The following MBP variants were observed in gnomAD, a reference collection of about 807,000 sequenced individuals.
MBP encodes Golli-MBP.
In MBP, 16 loss-of-function variants were observed where a neutral mutation model predicts 35.8. That is an observed-to-expected ratio of 0.45 (90% CI 0.30 to 0.68). The LOEUF is 0.68. Among genes scored for constraint, MBP ranks in the 30% least tolerant of loss-of-function variants. The pLI is 0.08. For missense variants in MBP, 380 were observed against 404.7 expected, an observed-to-expected ratio of 0.94 and a Z score of 0.52; for synonymous variants, 143 against 159.6, an observed-to-expected ratio of 0.90 and a Z score of 0.78.
chr18:77,028,202 A>C (rs549275110), intron 3 of MBP, among the ~76,000 whole-genome samples: 22 of 142,038 alleles, frequency 1.5e-4, no homozygotes, highest in Admixed American at 5.0e-4. Context: ...CTTAACGAGC[A>C]TGCTGCCTTC....
At chr18:77,021,990 G>C (rs1047815612) in intron 3 of MBP, among the ~76,000 whole-genome samples, 1 of 152,190 alleles carries the variant, frequency 6.6e-6, no homozygotes, top group Non-Finnish European at 1.5e-5. Flanking sequence ...GGTGGCATGG[G>C]AGGAGTGAGG....
rs542148230 is a variant in MBP, at chr18:77,129,632, A to G, written c.-26+2948T>C. Among the ~76,000 whole-genome samples the G allele has an allele frequency of 5.9e-5, 9 of 152,146 alleles. No homozygotes were observed. In the East Asian group the frequency reaches 1.7e-3, roughly 29 times the overall value. On this transcript the variant is annotated intron_variant, in intron 1 of 8. Coordinates refer to ENST00000355994, the MANE Select transcript of MBP (RefSeq NM_001025101.2). ...CTCAGCTGGCATTAGGGCCTGTGGC[A>G]TGAGCACTCTTCCCTTAAACAGCTC... is the stretch of plus-strand genomic sequence containing the variant.
intron 2 of MBP, among the ~76,000 whole-genome samples, chr18:77,074,435 G>A (rs1974575490): frequency 6.6e-6 from 1 of 152,160 alleles, no homozygotes; most frequent in South Asian, 2.1e-4. Flanking sequence ...CAGGGTTGAG[G>A]TCATATGTAT....
chr18:76,983,825 G>C (rs942258673), intron 8 of MBP: 3 of 152,316 alleles, frequency 2.0e-5, no homozygotes, highest in Non-Finnish European at 4.4e-5. Context: ...GATCCCCGCT[G>C]CTGGGCAGAG....
chr18:76,998,271 G>A (rs905513184), intron 4 of MBP, among the ~76,000 whole-genome samples: 4 of 152,200 alleles, frequency 2.6e-5, no homozygotes, highest in Admixed American at 6.5e-5. Context: ...TGTTCTCTGC[G>A]GACGGCTTGG....
chr18:76,988,629 T>C lies in MBP; in HGVS notation c.718-102A>G. 6.6e-7 allele frequency: 1 copy of C among 1,525,420 alleles called. No homozygotes were observed. The highest frequency in any genetic ancestry group is 2.3e-5 in the East Asian group (1 of 43,970). The allele number at this position is 1,525,420 out of a possible 1,614,324, so 94.5% of individuals were successfully genotyped here. On this transcript the variant is annotated intron_variant, in intron 6 of 8. Coordinates refer to ENST00000355994, the MANE Select transcript of MBP (RefSeq NM_001025101.2). This position sits in a 1 kb window ranked among gnomAD's most constrained non-coding sequence, Gnocchi z 5.2. ...TCAAAGCACAGTGGAGCTGAGGTGG[T>C]AAAAACAGGTTCCACCCGGAGCTCC... is the stretch of plus-strand genomic sequence containing the variant.
At position 76,980,319 on chromosome 18, in the gene MBP, A is replaced by C; in HGVS notation, c.*108T>G. On this transcript the variant is annotated 3_prime_UTR_variant, in exon 9 of 9. Transcript: ENST00000355994. ...CTACGTGCACAACTCCGCAGGCATT[A>C]GGGGAGGGGTCATCTGCTCTAATTA... The C allele has an allele frequency of 9.8e-7, 1 of 1,017,312 alleles. No individual in the cohort carries two copies. The highest frequency in any genetic ancestry group is 1.6e-6 in the Non-Finnish European group (1 of 635,206). 63.0% of individuals were successfully genotyped at this position (1,017,312 alleles called of 1,614,324 possible).
rs1290367887 is a variant in MBP, at chr18:77,029,434, G to A, written c.140-12166C>T. Among the ~76,000 whole-genome samples the A allele has an allele frequency of 5.7e-3, 724 of 127,630 alleles. 13 individuals are homozygous for A. Among genetic ancestry groups the A allele is most frequent in the African/African-American group, 0.02 (659 of 32,150 alleles). The allele number at this position is 127,630 out of a possible 152,430, so 83.7% of individuals were successfully genotyped here. The stretch of plus-strand genomic sequence containing the variant: ...GGGAGAGGGAGACCGTGGGGAGAGG[G>A]AGAGGGAGGGGGAGGGGGAGGGGGA... On this transcript the variant is annotated intron_variant, in intron 3 of 8. Transcript: ENST00000355994.
At chr18:76,985,621 G>A in intron 7 of MBP, 1 of 1,054,386 alleles carries the variant, frequency 9.5e-7, no homozygotes, top group Non-Finnish European at 1.1e-6. Context: ...GGCCTGGCTG[G>A]CACGGGGGGC....
At chr18:77,013,598 A>G in intron 4 of MBP, 1 of 985,420 alleles carries the variant, frequency 1.0e-6, no homozygotes, top group Non-Finnish European at 1.2e-6. Context: ...TACAGTCGCA[A>G]TTAGAGGCAT....
chr18:77,105,320 C>CT, intron 1 of MBP, 34 bp from the exon 2 acceptor site: 1 of 1,336,516 alleles, frequency 7.5e-7, no homozygotes, highest in Non-Finnish European at 1.1e-6. Context: ...AGCCCTAAGT[C>CT]TAGTGCTCTT....
At chr18:77,059,431 A>C (rs188613650) in intron 3 of MBP, among the ~76,000 whole-genome samples, 1 of 151,632 alleles carries the variant, frequency 6.6e-6, no homozygotes, top group African/African-American at 2.4e-5. Flanking sequence ...TTTATTAATT[A>C]TAATGAATTT....
intron 4 of MBP, among the ~76,000 whole-genome samples, chr18:76,996,679 T>C (rs767077862): frequency 2.6e-5 from 4 of 151,770 alleles, no homozygotes; most frequent in Non-Finnish European, 4.4e-5. Context: ...CTGACCTATA[T>C]TGGGGGAGGT....
chr18:76,980,160 C>A lies in MBP; in HGVS notation c.*267G>T. 1.6e-6 allele frequency: 1 copy of A among 642,460 alleles called. No individual in the cohort carries two copies. The highest frequency in any genetic ancestry group is 2.8e-6 in the Non-Finnish European group (1 of 358,422). The allele number at this position is 642,460 out of a possible 1,614,324, so 39.8% of individuals were successfully genotyped here. Reference sequence around the variant, plus strand: ...ACCTGGCCCCCTGAAGACCCACGTGCGTCTGGGGGCACATTGCGGGGGAAG... The same window carrying A: ...ACCTGGCCCCCTGAAGACCCACGTGAGTCTGGGGGCACATTGCGGGGGAAG... On this transcript the variant is annotated 3_prime_UTR_variant, in exon 9 of 9. Coordinates refer to ENST00000355994, the MANE Select transcript of MBP (RefSeq NM_001025101.2).
intron 2 of MBP, chr18:77,068,995 C>T (rs765315055): frequency 8.3e-6 from 4 of 483,530 alleles, no homozygotes; most frequent in African/African-American, 2.0e-5. Context: ...TCTGACCTCA[C>T]CCCCATGGCT....
chr18:76,980,244 A>AAAT lies in MBP; in HGVS notation c.*182_*183insATT. ...AACCGTTTTCTGTTTTCATGTTCTC[A>AAAT]TTTAACTGTTGGCCGGAAATTGCCG... On this transcript the variant is annotated 3_prime_UTR_variant, in exon 9 of 9. Transcript: ENST00000355994. 2 of 716,130 alleles carry AAAT rather than the reference A, an allele frequency of 2.8e-6. No individual in the cohort carries two copies. The highest frequency in any genetic ancestry group is 5.1e-6 in the Non-Finnish European group (2 of 391,516). 44.4% of individuals were successfully genotyped at this position (716,130 alleles called of 1,614,324 possible).
Position 77,020,757 on chromosome 18 carries a change from C to T in MBP, c.140-3489G>A, listed in dbSNP as rs1374707224. Among the ~76,000 whole-genome samples the T allele has an allele frequency of 1.3e-5, 2 of 152,172 alleles. No homozygotes were observed. The highest frequency in any genetic ancestry group is 2.4e-5 in the African/African-American group (1 of 41,442). On this transcript the variant is annotated intron_variant, in intron 3 of 8. Coordinates refer to ENST00000355994, the MANE Select transcript of MBP (RefSeq NM_001025101.2). This position sits in a 1 kb window ranked among gnomAD's most constrained non-coding sequence, Gnocchi z 4.1. ...GGTGCTCACAGCTGTTCCGGCACAG[C>T]GAACCACCCTCCCGGTTAGGGCATG...
intron 2 of MBP, among the ~76,000 whole-genome samples, chr18:77,088,181 A>G (rs572946242): frequency 1.3e-5 from 2 of 152,138 alleles, no homozygotes; most frequent in Non-Finnish European, 2.9e-5. Context: ...CCTGGGTGCT[A>G]TAAACCACAG....
At chr18:77,066,014 C>T (rs941987670) in intron 3 of MBP, 14 of 345,092 alleles carry the variant, frequency 4.1e-5, no homozygotes, top group Middle Eastern at 8.2e-4. Flanking sequence ...CATGCCACCA[C>T]ACCTGGCTAA....
Sources: allele counts gnomAD v4.1 joint callset (sites outside exome capture counted in the v4.1 genomes callset), GRCh38; gene constraint gnomAD v4.1.1; non-coding constraint Gnocchi (gnomAD v3.1); transcripts MANE v1.5; gene names NCBI Gene and HGNC (gene_info 2026-07-23, HGNC 2026-07-21).